EXOC6B: variants seen among roughly 807,000 people sequenced by gnomAD.
EXOC6B encodes the protein SEC15 homolog B.
Under a neutral mutation model 113.5 loss-of-function variants are expected in EXOC6B, and 54 were observed. That is an observed-to-expected ratio of 0.48 (90% CI 0.38 to 0.60). The LOEUF (loss-of-function observed/expected upper bound fraction) is 0.60. EXOC6B is among the 20% of genes least tolerant of loss of function. EXOC6B has a pLI of 0.00. For missense variants in EXOC6B, 797 were observed against 977.5 expected (o/e 0.82, Z 2.46); for synonymous variants, 357 against 339.0 (o/e 1.05, Z -0.58).
intron 20 of EXOC6B, among the ~76,000 whole-genome samples, chr2:72,235,888 A>G (rs1681930674): frequency 6.6e-6 from 1 of 152,040 alleles, no homozygotes; most frequent in Non-Finnish European, 1.5e-5. Flanking sequence ...ACTGTGGCTT[A>G]TCTTTTTATA....
chr2:72,436,805 C>G (rs1413888412), intron 18 of EXOC6B, among the ~76,000 whole-genome samples: 1 of 152,020 alleles, frequency 6.6e-6, no homozygotes, highest in Non-Finnish European at 1.5e-5. Flanking sequence ...TTCCTGTAAC[C>G]TTTTATCAAG....
chr2:72,631,422 GTGTGTATATATATA>G (rs780817352), intron 6 of EXOC6B, among the ~76,000 whole-genome samples: 4 of 7,040 alleles, frequency 5.7e-4, no homozygotes, highest in Admixed American at 3.0e-3. Context: ...GTGTGTGTGT[GTGTGTATATATATA>G]TATATATATA....
At chr2:72,348,839 T>C (rs542000725) in intron 19 of EXOC6B, among the ~76,000 whole-genome samples, 1 of 152,256 alleles carries the variant, frequency 6.6e-6, no homozygotes, top group African/African-American at 2.4e-5. Flanking sequence ...CAAAAAAAGC[T>C]GAGAGTCAGA....
At chr2:72,307,974 G>A (rs562275246) in intron 20 of EXOC6B, among the ~76,000 whole-genome samples, 3 of 152,226 alleles carry the variant, frequency 2.0e-5, no homozygotes, top group African/African-American at 7.2e-5. Context: ...AGAAATAACC[G>A]TCCATCGCAA....
chr2:72,620,406 AC>A (rs1391106222), intron 6 of EXOC6B, among the ~76,000 whole-genome samples: 1 of 150,440 alleles, frequency 6.6e-6, no homozygotes, highest in East Asian at 1.9e-4. Context: ...TACCTATGTA[AC>A]AAACCTGCAC....
At chr2:72,788,276 CTGT>C (rs1385521804) in intron 1 of EXOC6B, among the ~76,000 whole-genome samples, 15 of 152,190 alleles carry the variant, frequency 9.9e-5, no homozygotes, top group Admixed American at 5.9e-4. Context: ...TAAGCATTAA[CTGT>C]TGTTATTATT....
intron 1 of EXOC6B, among the ~76,000 whole-genome samples, chr2:72,810,361 A>G (rs1685829501): frequency 6.7e-6 from 1 of 150,180 alleles, no homozygotes; most frequent in Admixed American, 6.6e-5. Context: ...ATAAATAAAT[A>G]AATAAATAAA....
At chr2:72,787,338 A>G (rs1002614366) in intron 1 of EXOC6B, among the ~76,000 whole-genome samples, 5 of 151,722 alleles carry the variant, frequency 3.3e-5, no homozygotes, top group African/African-American at 1.2e-4. Context: ...CAGCTTCCCA[A>G]GTAGCTGAGA....
chr2:72,816,283 A>C (rs945963205), intron 1 of EXOC6B, among the ~76,000 whole-genome samples: 1 of 149,770 alleles, frequency 6.7e-6, no homozygotes, highest in Non-Finnish European at 1.5e-5. Context: ...AAACAGAACT[A>C]GTTTAATAAA....
At chr2:72,198,001 G>C (rs1679274832) in intron 20 of EXOC6B, among the ~76,000 whole-genome samples, 1 of 152,126 alleles carries the variant, frequency 6.6e-6, no homozygotes, top group Non-Finnish European at 1.5e-5. Context: ...GAGAATGTTG[G>C]ATATTGCCCC....
chr2:72,767,816 A>AAAAAAAAAAAAAAAAAAG (rs1683168667), intron 1 of EXOC6B, among the ~76,000 whole-genome samples: 1 of 133,962 alleles, frequency 7.5e-6, no homozygotes, highest in African/African-American at 2.7e-5. Flanking sequence ...GTTAAAAAAA[A>AAAAAAAAAAAAAAAAAAG]AAAAAAAAAA....
intron 6 of EXOC6B, among the ~76,000 whole-genome samples, chr2:72,646,620 T>A (rs1355185907): frequency 6.6e-6 from 1 of 152,172 alleles, no homozygotes; most frequent in African/African-American, 2.4e-5. Context: ...GTCGGCTTCA[T>A]CCCTGGGATG....
chr2:72,214,368 G>C (rs1242642801), intron 20 of EXOC6B, among the ~76,000 whole-genome samples: 1 of 151,892 alleles, frequency 6.6e-6, no homozygotes, highest in Non-Finnish European at 1.5e-5. Flanking sequence ...GCGGGCACCT[G>C]TAGTCCCAGC....
At chr2:72,692,089 T>C (rs1011440558) in intron 6 of EXOC6B, among the ~76,000 whole-genome samples, 1 of 152,150 alleles carries the variant, frequency 6.6e-6, no homozygotes, top group African/African-American at 2.4e-5. Context: ...ATTGAAAGAA[T>C]AAACGAACAA....
Position 72,769,927 on chromosome 2 carries a change from A to C in EXOC6B, c.114-28458T>G, listed in dbSNP as rs538799418. Among the ~76,000 whole-genome samples the C allele has an allele frequency of 3.3e-5, 5 of 152,342 alleles. No individual in the cohort carries two copies. In the East Asian group the frequency reaches 9.6e-4, roughly 29 times the overall value. On this transcript the variant is annotated intron_variant, in intron 1 of 21. Coordinates refer to ENST00000272427, the MANE Select transcript of EXOC6B (RefSeq NM_015189.3). Reference sequence around the variant, plus strand: ...AAACCAGCAAGTATCAGACTTCTCCACAGCAACATTGAACACCAGAAGACA... The same window carrying C: ...AAACCAGCAAGTATCAGACTTCTCCCCAGCAACATTGAACACCAGAAGACA...
At chr2:72,404,800 C>A (rs1343021346) in intron 18 of EXOC6B, among the ~76,000 whole-genome samples, 1 of 152,136 alleles carries the variant, frequency 6.6e-6, no homozygotes, top group Non-Finnish European at 1.5e-5. Context: ...AATCAGAGCG[C>A]CTTTCCTCCT....
At chr2:72,638,379 G>T (rs907563643) in intron 6 of EXOC6B, among the ~76,000 whole-genome samples, 2 of 152,108 alleles carry the variant, frequency 1.3e-5, no homozygotes, top group South Asian at 2.1e-4. Context: ...TCCTGGAGGG[G>T]AGTGCAGGAT....
intron 8 of EXOC6B, among the ~76,000 whole-genome samples, chr2:72,516,550 A>C (rs1191361102): frequency 6.6e-6 from 1 of 152,056 alleles, no homozygotes; most frequent in Non-Finnish European, 1.5e-5. Flanking sequence ...CCTGAATTCT[A>C]CTCTTAATCC....
At chr2:72,600,793 C>G (rs539401118) in intron 6 of EXOC6B, among the ~76,000 whole-genome samples, 8 of 152,100 alleles carry the variant, frequency 5.3e-5, no homozygotes, top group Admixed American at 4.6e-4. Flanking sequence ...GGTTCAGTTA[C>G]AACTTTTAGA....
Sources: allele counts gnomAD v4.1 joint callset (sites outside exome capture counted in the v4.1 genomes callset), GRCh38; gene constraint gnomAD v4.1.1; transcripts MANE v1.5; gene names NCBI Gene and HGNC (gene_info 2026-07-23, HGNC 2026-07-21).